The following LCAT variants were observed in gnomAD, a reference collection of about 807,000 sequenced individuals.
LCAT encodes lecithin-cholesterol acyltransferase.
Under a neutral mutation model 41.0 loss-of-function variants are expected in LCAT, and 15 were observed. The ratio of observed to expected loss-of-function variants is 0.37; its 90% CI spans 0.24 to 0.56. The LOEUF (loss-of-function observed/expected upper bound fraction) is 0.56. Among genes scored for constraint, LCAT ranks in the 20% least tolerant of loss-of-function variants. LCAT has a pLI of 0.81. For missense variants in LCAT, 449 were observed against 595.1 expected (o/e 0.75, Z 2.55); for synonymous variants, 248 against 245.4 (o/e 1.01, Z -0.10).
chr16:67,942,476 A>G lies in LCAT; in HGVS notation c.635T>C (p.Leu212Pro), dbSNP rs1468278304. The change falls in exon 5 of 6, where the codon CTC becomes CCC. Residue 212 changes from leucine (L) to proline (P), a missense_variant. Physicochemically the swap from Leu to Pro is moderately conservative, Grantham distance 98. Transcript: ENST00000264005. This position sits in a 1 kb window ranked among gnomAD's most constrained non-coding sequence, Gnocchi z 6.6. ...IGHSLGCLHL[L>P]YFLLRQPQAW... is the part of the protein sequence containing the mutation. The stretch of plus-strand genomic sequence containing the variant: ...CTGGGGCTGGCGCAGCAGGAAATAG[A>G]GCAAGTGTAGACAGCCGAGGCTGTG... The G allele has an allele frequency of 1.9e-6, 3 of 1,613,730 alleles. No individual in the cohort carries two copies. Among genetic ancestry groups the G allele is most frequent in the South Asian group, 1.1e-5 (1 of 91,088 alleles).
chr16:67,939,929 C>T lies in LCAT; in HGVS notation c.1298G>A (p.Ser433Asn), dbSNP rs924584817. The change falls in exon 6 of 6, where the codon AGC (serine) becomes AAC (asparagine). Residue 433 changes from serine to asparagine, a missense_variant. Ser to Asn is a conservative substitution (Grantham distance 46, BLOSUM62 1). Coordinates refer to ENST00000264005, the MANE Select transcript of LCAT (RefSeq NM_000229.2). ...TTATTCAGGAGGCGGGGGCTCTGGG[C>T]TGGCAGTCGGGGATGCAGGGGGACC... ...RQGPPASPTA[S>N]PEPPPPE The T allele has an allele frequency of 5.0e-6, 8 of 1,613,130 alleles. No individual in the cohort carries two copies. The highest frequency in any genetic ancestry group is 2.7e-5 in the African/African-American group (2 of 74,932).
In LCAT at chr16:67,939,798, G is replaced by A; in HGVS notation, c.*106C>T. The A allele has an allele frequency of 6.5e-7, 1 of 1,545,806 alleles. No homozygotes were observed. Among genetic ancestry groups the A allele is most frequent in the Non-Finnish European group, 8.8e-7 (1 of 1,142,100 alleles). ...AGCCCATCTTGCCTCACTGCACACA[G>A]CACTGAGCCTGTGGCTGGTGAGGAG... On this transcript the variant is annotated 3_prime_UTR_variant, in exon 6 of 6. Transcript: ENST00000264005.
Position 67,942,328 on chromosome 16 carries a change from C to T in LCAT, c.748+35G>A, listed in dbSNP as rs2058295703. Reference sequence around the variant, plus strand: ...AGGCCCAGGATCAGCTTGGTCTCACCCATCGCTGGACCTAAGTGTTCGAGG... The same window carrying T: ...AGGCCCAGGATCAGCTTGGTCTCACTCATCGCTGGACCTAAGTGTTCGAGG... On this transcript the variant is annotated intron_variant, in intron 5 of 5. Coordinates refer to ENST00000264005, the MANE Select transcript of LCAT (RefSeq NM_000229.2). This position sits in a 1 kb window ranked among gnomAD's most constrained non-coding sequence, Gnocchi z 6.6. 1 of 1,603,020 alleles carries T rather than the reference C, an allele frequency of 6.2e-7. No homozygotes were observed.
In LCAT at chr16:67,940,278, T is replaced by C; in HGVS notation, c.949A>G (p.Met317Val). The change falls in exon 6 of 6, where the codon ATG (methionine) becomes GTG (valine). Residue 317 changes from methionine (M) to valine (V), a missense_variant. Met to Val is a conservative substitution (Grantham distance 21). Coordinates refer to ENST00000264005, the MANE Select transcript of LCAT (RefSeq NM_000229.2). ...ADLHFEEGWY[M>V]WLQSRDLLAG... is the part of the protein sequence containing the mutation. ...AGGAGGTCACGTGACTGCAGCCACA[T>C]GTACCAGCCTTCCTCAAAGTGCAGG... is the stretch of plus-strand genomic sequence containing the variant. 1.2e-6 allele frequency: 2 copies of C among 1,613,806 alleles called. No homozygotes were observed. Among genetic ancestry groups the C allele is most frequent in the Non-Finnish European group, 8.5e-7 (1 of 1,179,952 alleles).
In LCAT at chr16:67,943,313, A is replaced by G; in HGVS notation, c.155-101T>C. ...TGACCAGACCCACCCCCCACCTCCC[A>G]TACCCTCAACCCCCAGGTACAAAGC... On this transcript the variant is annotated intron_variant, in intron 1 of 5. Transcript: ENST00000264005. This position sits in a 1 kb window ranked among gnomAD's most constrained non-coding sequence, Gnocchi z 4.6. 9.6e-7 allele frequency: 1 copy of G among 1,039,406 alleles called. No individual in the cohort carries two copies. The highest frequency in any genetic ancestry group is 1.4e-6 in the Non-Finnish European group (1 of 739,118). The allele number at this position is 1,039,406 out of a possible 1,614,324, so 64.4% of individuals were successfully genotyped here.
Position 67,943,238 on chromosome 16 carries a change from A to G in LCAT, c.155-26T>C, listed in dbSNP as rs755679499. The G allele has an allele frequency of 6.2e-7, 1 of 1,610,960 alleles. No homozygotes were observed. The highest frequency in any genetic ancestry group is 1.7e-5 in the Admixed American group (1 of 59,960). ...CTGTGAGCAGCAGCCCTCACTCTGG[A>G]CTCTGGATTCCCCCCGTGACCCTTA... On this transcript the variant is annotated intron_variant, in intron 1 of 5. Coordinates refer to ENST00000264005, the MANE Select transcript of LCAT (RefSeq NM_000229.2). This position sits in a 1 kb window ranked among gnomAD's most constrained non-coding sequence, Gnocchi z 4.6.
In LCAT at chr16:67,943,759, A is replaced by G; in HGVS notation, c.154+189T>C. The G allele has an allele frequency of 1.6e-6, 1 of 609,638 alleles. No individual in the cohort carries two copies. Among genetic ancestry groups the G allele is most frequent in the Non-Finnish European group, 2.8e-6 (1 of 353,944 alleles). The allele number at this position is 609,638 out of a possible 1,614,324, so 37.8% of individuals were successfully genotyped here. A position where few individuals can be genotyped will look rare whatever the true frequency, so the allele number is the denominator to read the frequency against. On this transcript the variant is annotated intron_variant, in intron 1 of 5. Coordinates refer to ENST00000264005, the MANE Select transcript of LCAT (RefSeq NM_000229.2). The surrounding 1 kb of genome is among the most constrained non-coding windows in gnomAD (Gnocchi z 4.6). ...CCCCTGGGTTAGACAACTGAGAGTCACAGTGTGGTGGGAGAAGGGACGTCA... is the reference window on the plus strand; with the variant it reads ...CCCCTGGGTTAGACAACTGAGAGTCGCAGTGTGGTGGGAGAAGGGACGTCA...
chr16:67,943,767 G>C lies in LCAT; in HGVS notation c.154+181C>G. On this transcript the variant is annotated intron_variant, in intron 1 of 5. Transcript: ENST00000264005. This position sits in a 1 kb window ranked among gnomAD's most constrained non-coding sequence, Gnocchi z 4.6. ...TTAGACAACTGAGAGTCACAGTGTG[G>C]TGGGAGAAGGGACGTCATTCCTCTA... is the stretch of plus-strand genomic sequence containing the variant. The C allele has an allele frequency of 1.6e-6, 1 of 625,818 alleles. No homozygotes were observed. Among genetic ancestry groups the C allele is most frequent in the Non-Finnish European group, 2.7e-6 (1 of 365,580 alleles). 38.8% of individuals were successfully genotyped at this position (625,818 alleles called of 1,614,324 possible). A position where few individuals can be genotyped will look rare whatever the true frequency, so the allele number is the denominator to read the frequency against.
At position 67,943,019 on chromosome 16, in the gene LCAT, C is replaced by A. The variant is rs2058301228; in HGVS notation, c.311+37G>T. ...CACTCAGCAGCCAGTAGCCAAGGGG[C>A]AGCGTGTTGGGGCTAGGGTGGAGCA... On this transcript the variant is annotated intron_variant, in intron 2 of 5. Transcript: ENST00000264005. The surrounding 1 kb of genome is among the most constrained non-coding windows in gnomAD (Gnocchi z 4.6). The A allele has an allele frequency of 6.2e-7, 1 of 1,613,686 alleles. No individual in the cohort carries two copies. Among genetic ancestry groups the A allele is most frequent in the African/African-American group, 1.3e-5 (1 of 74,912 alleles).
At chr16:67,941,936 G>C (rs1210595214) in intron 5 of LCAT, 2 of 1,174,144 alleles carry the variant, frequency 1.7e-6, no homozygotes, top group Admixed American at 7.5e-5. Flanking sequence ...GTCAGTGCTG[G>C]GCCCTGGTGC....
rs979797689 is a variant in LCAT at position 67,942,240 on chromosome 16, C to G, written c.748+123G>C. On this transcript the variant is annotated intron_variant, in intron 5 of 5. Coordinates refer to ENST00000264005, the MANE Select transcript of LCAT (RefSeq NM_000229.2). This position sits in a 1 kb window ranked among gnomAD's most constrained non-coding sequence, Gnocchi z 6.6. ...CTGGGGGCCAGTGACAGCAAGCATG[C>G]CAGCCCAGGAGTGGTAGATAGCACC... The G allele has an allele frequency of 1.9e-5, 25 of 1,292,980 alleles. No homozygotes were observed. The allele number at this position is 1,292,980 out of a possible 1,614,324, so 80.1% of individuals were successfully genotyped here.
chr16:67,939,914 G>A lies in LCAT; in HGVS notation c.1313C>T (p.Pro438Leu), dbSNP rs150816071. Residue 438 changes from proline (P) to leucine (L), a missense_variant, in exon 6 of 6, where the codon CCT (proline) becomes CTT (leucine). Coordinates refer to ENST00000264005, the MANE Select transcript of LCAT (RefSeq NM_000229.2). ...ASPTASPEPP[P>L]PE ...AGCAAAGGAAGGTCTTTATTCAGGA[G>A]GCGGGGGCTCTGGGCTGGCAGTCGG... 2 of 1,612,608 alleles carry A rather than the reference G, an allele frequency of 1.2e-6. No individual in the cohort carries two copies. The highest frequency in any genetic ancestry group is 8.5e-7 in the Non-Finnish European group (1 of 1,179,454).
chr16:67,942,774 G>A lies in LCAT; in HGVS notation c.428-8C>T, dbSNP rs1323599674. The A allele has an allele frequency of 2.5e-6, 4 of 1,612,784 alleles. No homozygotes were observed. The African/African-American group carries it at 4.0e-5, about 16-fold the overall frequency. ...CCAGTGTGTGCAGGTACCCTGTGGG[G>A]GGACCAGCAGCACCGGGGGCTTGGG... On this transcript the variant is annotated splice_polypyrimidine_tract_variant and splice_region_variant and intron_variant, in intron 3 of 5. Coordinates refer to ENST00000264005, the MANE Select transcript of LCAT (RefSeq NM_000229.2). This position sits in a 1 kb window ranked among gnomAD's most constrained non-coding sequence, Gnocchi z 6.6.
rs151178077 is a variant in LCAT at position 67,942,882 on chromosome 16, G to C, written c.406C>G (p.Leu136Val). The change falls in exon 3 of 6, where the codon CTG becomes GTG. Residue 136 changes from leucine (L) to valine (V), a missense_variant. Leu to Val is a conservative substitution (Grantham distance 32, BLOSUM62 1). Transcript: ENST00000264005. This position sits in a 1 kb window ranked among gnomAD's most constrained non-coding sequence, Gnocchi z 6.6. ...AAACCTGCCAGCTTGCTGCTGTCCA[G>C]GTACTCCACAGAGTAGGTCTTGCCA... ...GFGKTYSVEY[L>V]DSSKLAGYLH... 2 of 1,613,734 alleles carry C rather than the reference G, an allele frequency of 1.2e-6. No individual in the cohort carries two copies. The highest frequency in any genetic ancestry group is 1.7e-6 in the Non-Finnish European group (2 of 1,179,986).
At chr16:67,941,634 G>C (rs2058291138) in intron 5 of LCAT, 2 of 985,076 alleles carry the variant, frequency 2.0e-6, no homozygotes, top group African/African-American at 1.7e-5. Flanking sequence ...AAAAAAAGTA[G>C]GCGGGGCTTC....
At position 67,939,888 on chromosome 16, in the gene LCAT, T is replaced by C. The variant is rs746912634; in HGVS notation, c.*16A>G. On this transcript the variant is annotated 3_prime_UTR_variant, in exon 6 of 6. Coordinates refer to ENST00000264005, the MANE Select transcript of LCAT (RefSeq NM_000229.2). ...GAAACATAGCCATCAGGGCTTACGG[T>C]AGCAAAGGAAGGTCTTTATTCAGGA... The C allele has an allele frequency of 3.7e-5, 59 of 1,608,538 alleles. No individual in the cohort carries two copies. Among genetic ancestry groups the C allele is most frequent in the South Asian group, 3.1e-4 (28 of 90,860 alleles).
At position 67,942,710 on chromosome 16, in the gene LCAT, T is replaced by C. The variant is rs2058298709; in HGVS notation, c.484A>G (p.Thr162Ala). The C allele has an allele frequency of 1.9e-6, 3 of 1,612,722 alleles. No homozygotes were observed. The highest frequency in any genetic ancestry group is 1.7e-5 in the Admixed American group (1 of 60,000). ...CAGTCATAGGGGGCGGCGCGCACAG[T>C]CTCGTCCCGCACGTAGCCATTGTTG... ...LVNNGYVRDE[T>A]VRAAPYDWRL... The change falls in exon 4 of 6, where the codon ACT becomes GCT. Residue 162 changes from threonine to alanine, a missense_variant. Coordinates refer to ENST00000264005, the MANE Select transcript of LCAT (RefSeq NM_000229.2). The surrounding 1 kb of genome is among the most constrained non-coding windows in gnomAD (Gnocchi z 6.6).
chr16:67,942,264 C>T lies in LCAT; in HGVS notation c.748+99G>A. 1.5e-6 allele frequency: 2 copies of T among 1,370,628 alleles called. No homozygotes were observed. Among genetic ancestry groups the T allele is most frequent in the Non-Finnish European group, 2.0e-6 (2 of 979,156 alleles). The allele number at this position is 1,370,628 out of a possible 1,614,324, so 84.9% of individuals were successfully genotyped here. A position where few individuals can be genotyped will look rare whatever the true frequency, so the allele number is the denominator to read the frequency against. On this transcript the variant is annotated intron_variant, in intron 5 of 5. Coordinates refer to ENST00000264005, the MANE Select transcript of LCAT (RefSeq NM_000229.2). This position sits in a 1 kb window ranked among gnomAD's most constrained non-coding sequence, Gnocchi z 6.6. ...GCCAGCCCAGGAGTGGTAGATAGCACCCCTAGAGGCCACTGTGAGCAGGAG... is the reference window on the plus strand; with the variant it reads ...GCCAGCCCAGGAGTGGTAGATAGCATCCCTAGAGGCCACTGTGAGCAGGAG...
Position 67,940,034 on chromosome 16 carries a change from C to T in LCAT, c.1193G>A (p.Gly398Glu), listed in dbSNP as rs370588539. The change falls in exon 6 of 6, where the codon GGG becomes GAG. Residue 398 changes from glycine to glutamate, a missense_variant. Transcript: ENST00000264005. ...PQPVHLLPLH[G>E]IQHLNMVFSN... ...GAAGACCATGTTGAGATGCTGTATC[C>T]CGTGCAGGGGCAGCAGGTGCACAGG... is the stretch of plus-strand genomic sequence containing the variant. The T allele has an allele frequency of 2.5e-6, 4 of 1,613,528 alleles. No homozygotes were observed. Among genetic ancestry groups the T allele is most frequent in the Non-Finnish European group, 3.4e-6 (4 of 1,180,026 alleles).
Sources: allele counts gnomAD v4.1 joint callset, GRCh38; gene constraint gnomAD v4.1.1; non-coding constraint Gnocchi (gnomAD v3.1); transcripts MANE v1.5; gene names NCBI Gene and HGNC (gene_info 2026-07-23, HGNC 2026-07-21).